Variants in MTUS2 observed in about 807,000 individuals in gnomAD.
MTUS2 encodes the protein microtubule associated scaffold protein 2.
A neutral mutation model predicts 114.1 loss-of-function variants in MTUS2; 40 were observed. That is an observed-to-expected ratio of 0.35 (90% CI 0.27 to 0.46). MTUS2 has a LOEUF of 0.46. Among genes scored for constraint, MTUS2 ranks in the 20% least tolerant of loss-of-function variants. The pLI is 1.00. For missense variants in MTUS2, 1,679 were observed against 1,705.4 expected, an observed-to-expected ratio of 0.98 and a Z score of 0.27; for synonymous variants, 688 against 672.0, an observed-to-expected ratio of 1.02 and a Z score of -0.37.
chr13:28,975,115 C>G (rs774603933), intron 2 of MTUS2, among the ~76,000 whole-genome samples: 11 of 152,172 alleles, frequency 7.2e-5, no homozygotes, highest in Non-Finnish European at 1.5e-4. Context: ...AATTAAGGCT[C>G]TTCCGCACTT....
intron 2 of MTUS2, among the ~76,000 whole-genome samples, chr13:28,997,201 A>G (rs1469972619): frequency 1.3e-5 from 2 of 152,104 alleles, no homozygotes; most frequent in African/African-American, 2.4e-5. Context: ...GTAGTTGAGC[A>G]GTTTTGAGTG....
At chr13:28,996,212 G>A (rs942980534) in intron 2 of MTUS2, among the ~76,000 whole-genome samples, 11 of 152,030 alleles carry the variant, frequency 7.2e-5, no homozygotes, top group South Asian at 2.1e-4. Flanking sequence ...ATTGATTTTC[G>A]TATGTTGAAC....
chr13:29,321,116 C>A (rs556619748), intron 6 of MTUS2, among the ~76,000 whole-genome samples: 1 of 152,136 alleles, frequency 6.6e-6, no homozygotes, highest in South Asian at 2.1e-4. Flanking sequence ...GGTATCTGGG[C>A]CTACCTGGAT....
At chr13:29,222,047 A>G (rs1895929016) in intron 5 of MTUS2, among the ~76,000 whole-genome samples, 1 of 152,214 alleles carries the variant, frequency 6.6e-6, no homozygotes, top group Non-Finnish European at 1.5e-5. Context: ...CTCCTAGCTC[A>G]AACAATCCTC....
chr13:29,427,834 G>A (rs2138625276), intron 8 of MTUS2, among the ~76,000 whole-genome samples: 1 of 152,178 alleles, frequency 6.6e-6, no homozygotes, highest in South Asian at 2.1e-4. Flanking sequence ...GGGGTATCAG[G>A]GCATATAAAA....
At chr13:29,381,359 G>A (rs1872190366) in intron 8 of MTUS2, among the ~76,000 whole-genome samples, 1 of 152,156 alleles carries the variant, frequency 6.6e-6, no homozygotes, top group Admixed American at 6.5e-5. Flanking sequence ...AGGCTATAGT[G>A]CTTATAGCAT....
chr13:29,338,762 A>G (rs776789923), intron 7 of MTUS2, among the ~76,000 whole-genome samples: 14 of 152,180 alleles, frequency 9.2e-5, no homozygotes, highest in Non-Finnish European at 1.9e-4. Context: ...TTTAATAAAG[A>G]CACTATTATT....
At position 29,263,728 on chromosome 13, in the gene MTUS2, AACTC is replaced by A. The variant is rs201422388; in HGVS notation, c.2645-17966_2645-17963del. ...CTTTTACAAAACAAGATCTCATGAG[AACTC>A]ACTCACTCATCACCAAGGGGGTGGC... On this transcript the variant is annotated intron_variant, in intron 5 of 15. Coordinates refer to ENST00000612955, the MANE Select transcript of MTUS2 (RefSeq NM_001033602.4). 6.8e-3 allele frequency among the ~76,000 whole-genome samples: 1,033 copies of A among 152,158 alleles called. 5 individuals carry two copies. Among genetic ancestry groups the A allele is most frequent in the African/African-American group, 0.024 (983 of 41,504 alleles).
intron 11 of MTUS2, among the ~76,000 whole-genome samples, chr13:29,491,629 T>TGTGTG (rs1882096861): frequency 1.4e-5 from 2 of 146,880 alleles, no homozygotes; most frequent in African/African-American, 2.5e-5. Flanking sequence ...GTGTATGTGA[T>TGTGTG]TAGTAGGTGT....
chr13:28,846,055 A>AATATATATATATAT (rs10684198), intron 2 of MTUS2, among the ~76,000 whole-genome samples: 4 of 143,172 alleles, frequency 2.8e-5, no homozygotes, highest in African/African-American at 7.6e-5. Flanking sequence ...TTAAAAAAAA[A>AATATATATATATAT]ATATATATAT....
intron 2 of MTUS2, among the ~76,000 whole-genome samples, chr13:28,977,623 A>G (rs17072452): frequency 0.18 from 26,675 of 152,154 alleles, 2,891 homozygotes; most frequent in East Asian, 0.51. Context: ...ATGTACATCA[A>G]TCATCATAAT....
At chr13:29,393,055 C>T (rs1033682565) in intron 8 of MTUS2, among the ~76,000 whole-genome samples, 1 of 152,176 alleles carries the variant, frequency 6.6e-6, no homozygotes, top group Non-Finnish European at 1.5e-5. Flanking sequence ...TGTCCCAGCA[C>T]TCCCCCAAGA....
intron 4 of MTUS2, among the ~76,000 whole-genome samples, chr13:29,093,710 T>G (rs1315470325): frequency 1.3e-5 from 2 of 152,162 alleles, no homozygotes; most frequent in Non-Finnish European, 1.5e-5. Context: ...AAGAGAAAGT[T>G]TTCCTTTTTG....
intron 8 of MTUS2, among the ~76,000 whole-genome samples, chr13:29,401,640 T>C (rs1874358543): frequency 6.6e-6 from 1 of 152,188 alleles, no homozygotes; most frequent in South Asian, 2.1e-4. Context: ...GCCACCCTTA[T>C]TATAGCATTA....
chr13:28,948,356 A>G lies in MTUS2; in HGVS notation c.-242-76101A>G, dbSNP rs142315269. Among the ~76,000 whole-genome samples, 27 of 152,318 alleles carry G rather than the reference A, an allele frequency of 1.8e-4. 1 individual carries two copies. In the East Asian group the frequency reaches 4.4e-3, roughly 25 times the overall value. On this transcript the variant is annotated intron_variant, in intron 2 of 15. Transcript: ENST00000612955. ...TTTTAAGAAACTAAGGCTCAGGCCC[A>G]CAGGTAGAAGTTACAGGAGGCATTT...
chr13:29,101,055 A>G (rs991591040), intron 5 of MTUS2, 85 bp downstream of exon 5: 1 of 1,355,624 alleles, frequency 7.4e-7, no homozygotes, highest in African/African-American at 1.5e-5. Flanking sequence ...TCTTTGCATG[A>G]TTATTTAAGA....
intron 5 of MTUS2, among the ~76,000 whole-genome samples, chr13:29,138,520 T>C (rs1402796675): frequency 1.3e-5 from 2 of 149,046 alleles, no homozygotes; most frequent in East Asian, 3.9e-4. Flanking sequence ...TATATAAATA[T>C]AAACTTTATA....
intron 2 of MTUS2, among the ~76,000 whole-genome samples, chr13:28,848,036 A>T (rs73452696): frequency 2.6e-5 from 4 of 152,186 alleles, no homozygotes; most frequent in African/African-American, 9.7e-5. Context: ...TAGCAGGAAT[A>T]TAAGACCTGT....
intron 5 of MTUS2, among the ~76,000 whole-genome samples, chr13:29,221,114 T>C (rs1895891676): frequency 6.6e-6 from 1 of 152,130 alleles, no homozygotes; most frequent in Non-Finnish European, 1.5e-5. Flanking sequence ...CCACTCTATG[T>C]AGGAATTAGC....
Sources: gnomAD v4.1 joint callset for allele counts (sites outside exome capture counted in the v4.1 genomes callset) on GRCh38, gnomAD v4.1.1 for gene constraint, MANE v1.5 for transcripts, NCBI Gene and HGNC (gene_info 2026-07-23, HGNC 2026-07-21) for gene names.